CACNA1H: variants seen among roughly 807,000 people sequenced by gnomAD.
CACNA1H encodes the protein voltage-dependent T-type calcium channel subunit alpha-1H.
In CACNA1H, 149 loss-of-function variants were observed where a neutral mutation model predicts 192.5. The observed-to-expected ratio is 0.77, with a 90% CI of 0.68 to 0.89. The LOEUF (loss-of-function observed/expected upper bound fraction) is 0.89. Ranked by LOEUF, CACNA1H falls within the 40% of genes least tolerant of loss-of-function variation. The pLI is 0.00. For synonymous variants in CACNA1H, 2,202 were observed against 1,475.2 expected, an observed-to-expected ratio of 1.49 and a Z score of -11.29; for missense variants, 4,257 against 3,423.5, an observed-to-expected ratio of 1.24 and a Z score of -6.08.
intron 2 of CACNA1H, among the ~76,000 whole-genome samples, chr16:1,181,915 T>TTTG (rs879874849): frequency 9.2e-4 from 140 of 151,994 alleles, no homozygotes; most frequent in African/African-American, 3.2e-3. Context: ...CATGCGCCCC[T>TTTG]CACACATGCA....
intron 5 of CACNA1H, among the ~76,000 whole-genome samples, chr16:1,196,677 G>A (rs1163053250): frequency 6.6e-6 from 1 of 152,214 alleles, no homozygotes; most frequent in Non-Finnish European, 1.5e-5. Context: ...GTGAGGAGGG[G>A]GCCTGGTGGA....
chr16:1,192,448 A>G (rs1237929758), intron 2 of CACNA1H, among the ~76,000 whole-genome samples: 1 of 152,192 alleles, frequency 6.6e-6, no homozygotes, highest in South Asian at 2.1e-4. Context: ...AGTCTTAGAG[A>G]TGGCTGGTCA....
chr16:1,207,659 G>A, intron 14 of CACNA1H, 111 bp from the exon 15 acceptor site: 1 of 1,029,880 alleles, frequency 9.7e-7, no homozygotes, highest in Non-Finnish European at 1.5e-6. Flanking sequence ...ATCATCCTCT[G>A]GGCCCTTCTG....
rs768826048 is a variant in CACNA1H at position 1,220,458 on chromosome 16, G to A, written c.6526G>A (p.Glu2176Lys). 23 of 1,543,690 alleles carry A rather than the reference G, an allele frequency of 1.5e-5. No individual in the cohort carries two copies. The highest frequency in any genetic ancestry group is 6.6e-5 in the Admixed American group (3 of 45,646). ...GEAKAWGPEA[E>K]PALGARRKKK... ...GGCGAAGGCCTGGGGCCCTGAGGCC[G>A]AGCCCGCTCTGGGTGCGCGCAGAAA... The change falls in exon 35 of 35, where the codon GAG becomes AAG. Residue 2176 changes from glutamate (E) to lysine (K), a missense_variant. Coordinates refer to ENST00000348261, the MANE Select transcript of CACNA1H (RefSeq NM_021098.3).
intron 2 of CACNA1H, among the ~76,000 whole-genome samples, chr16:1,154,370 G>A (rs1351287127): frequency 1.3e-5 from 2 of 152,172 alleles, no homozygotes; most frequent in Non-Finnish European, 2.9e-5. Context: ...CGGCCCCAAG[G>A]GTGTTGGCCA....
rs1264669185 is a variant in CACNA1H at position 1,185,789 on chromosome 16, GTA to G, written c.300-9181_300-9180del. On this transcript the variant is annotated intron_variant, in intron 2 of 34. Transcript: ENST00000348261. ...TGCGTAGGGGCCGGAGGCGGGGTGT[GTA>G]TGGGGCGGGTGAGTAGACGGTCGGC... Among the ~76,000 whole-genome samples the G allele has an allele frequency of 2.1e-3, 203 of 98,212 alleles. 22 individuals carry two copies. The highest frequency in any genetic ancestry group is 2.7e-3 in the South Asian group (9 of 3,326). The allele number at this position is 98,212 out of a possible 152,430, so 64.4% of individuals were successfully genotyped here.
chr16:1,161,279 C>G (rs924521460), intron 2 of CACNA1H, among the ~76,000 whole-genome samples: 1 of 152,208 alleles, frequency 6.6e-6, no homozygotes, highest in Non-Finnish European at 1.5e-5. Flanking sequence ...CATTAATGAA[C>G]GCTGTCAACT....
chr16:1,203,802 G>T lies in CACNA1H; in HGVS notation c.2003-208G>T, dbSNP rs371569842. On this transcript the variant is annotated intron_variant, in intron 9 of 34. Coordinates refer to ENST00000348261, the MANE Select transcript of CACNA1H (RefSeq NM_021098.3). Reference sequence around the variant, plus strand: ...CGTGGCTCAGGGCCCTCCCTACTCCGGGATAGCTTCATTCCTCATTGTAAC... The same window carrying T: ...CGTGGCTCAGGGCCCTCCCTACTCCTGGATAGCTTCATTCCTCATTGTAAC... Among the ~76,000 whole-genome samples the T allele has an allele frequency of 1.4e-4, 22 of 152,266 alleles. No homozygotes were observed. The East Asian group carries it at 3.7e-3, about 25-fold the overall frequency.
At chr16:1,176,060 G>C (rs1197513150) in intron 2 of CACNA1H, among the ~76,000 whole-genome samples, 1 of 152,218 alleles carries the variant, frequency 6.6e-6, no homozygotes, top group African/African-American at 2.4e-5. Context: ...CCAGTCACAG[G>C]ACACACCGTG....
chr16:1,209,913 G>T, intron 17 of CACNA1H, 122 bp from the exon 18 acceptor site: 1 of 720,402 alleles, frequency 1.4e-6, no homozygotes, highest in South Asian at 1.7e-5. Flanking sequence ...AGCGGGTGAG[G>T]AGTGAGGATG....
intron 2 of CACNA1H, among the ~76,000 whole-genome samples, chr16:1,181,896 C>T (rs1965507085): frequency 6.6e-6 from 1 of 152,190 alleles, no homozygotes. Context: ...CCCACACTGC[C>T]CTTACACACA....
Position 1,172,340 on chromosome 16 carries a change from C to T in CACNA1H, c.299+18304C>T, listed in dbSNP as rs564482703. 9.7e-4 allele frequency among the ~76,000 whole-genome samples: 147 copies of T among 152,310 alleles called. 1 individual carries two copies. The highest frequency in any genetic ancestry group is 1.6e-3 in the Non-Finnish European group (107 of 68,022). Reference sequence around the variant, plus strand: ...GCTCGGGGAGCCAGGCCGTGCCATCCCCAATGTTCCAGGCTCTACCTGGGC... The same window carrying T: ...GCTCGGGGAGCCAGGCCGTGCCATCTCCAATGTTCCAGGCTCTACCTGGGC... On this transcript the variant is annotated intron_variant, in intron 2 of 34. Transcript: ENST00000348261.
At position 1,206,985 on chromosome 16, in the gene CACNA1H, C is replaced by G; in HGVS notation, c.2790-16C>G. 1.3e-6 allele frequency: 2 copies of G among 1,547,796 alleles called. No individual in the cohort carries two copies. Among genetic ancestry groups the G allele is most frequent in the Non-Finnish European group, 8.8e-7 (1 of 1,138,802 alleles). ...CCCTGCCTCCACCCTCAACACGCCC[C>G]TGCCCCCACCCTCAGCATCCTGGGC... On this transcript the variant is annotated splice_polypyrimidine_tract_variant and intron_variant, in intron 12 of 34. Transcript: ENST00000348261.
At chr16:1,219,663 TG>T (rs1596478827) in intron 34 of CACNA1H, among the ~76,000 whole-genome samples, 2 of 152,210 alleles carry the variant, frequency 1.3e-5, no homozygotes, top group African/African-American at 4.8e-5. Flanking sequence ...AGCCCCATCC[TG>T]GGGGTGCCCA....
At chr16:1,166,785 C>T (rs1341989029) in intron 2 of CACNA1H, among the ~76,000 whole-genome samples, 1 of 152,188 alleles carries the variant, frequency 6.6e-6, no homozygotes, top group Non-Finnish European at 1.5e-5. Flanking sequence ...CGGTTAGATG[C>T]GCCCTCATGT....
At chr16:1,173,446 C>T (rs889884728) in intron 2 of CACNA1H, among the ~76,000 whole-genome samples, 4 of 152,260 alleles carry the variant, frequency 2.6e-5, no homozygotes, top group Non-Finnish European at 5.9e-5. Context: ...AAAGCCTCTG[C>T]TCCTGGGTTC....
chr16:1,213,554 A>AG (rs1240190556), intron 26 of CACNA1H, among the ~76,000 whole-genome samples: 6 of 152,048 alleles, frequency 3.9e-5, no homozygotes, highest in Non-Finnish European at 8.8e-5. Context: ...CCAGCTCCCC[A>AG]GGGAGCTGCA....
intron 2 of CACNA1H, among the ~76,000 whole-genome samples, chr16:1,158,235 C>G (rs1445758259): frequency 1.3e-5 from 2 of 152,160 alleles, no homozygotes; most frequent in African/African-American, 4.8e-5. Context: ...GAAGCAGAGA[C>G]ACAGATGGGG....
Position 1,209,266 on chromosome 16 carries a change from G to C in CACNA1H, c.3598G>C (p.Asp1200His). The change falls in exon 17 of 35, where the codon GAC becomes CAC. Residue 1200 changes from aspartate (D) to histidine (H), a missense_variant. Physicochemically the swap from Asp to His is moderately conservative, Grantham distance 81. Transcript: ENST00000348261. ...ATPLRRAESL[D>H]PRPLRPAALP... is the part of the protein sequence containing the mutation. ...CCCACTGCGGCGGGCCGAGTCCCTG[G>C]ACCCACGGCCCCTGCGGCCGGCCGC... 1 of 1,552,180 alleles carries C rather than the reference G, an allele frequency of 6.4e-7. No individual in the cohort carries two copies. Among genetic ancestry groups the C allele is most frequent in the Non-Finnish European group, 8.7e-7 (1 of 1,152,952 alleles).
Sources: gnomAD v4.1 joint callset for allele counts (sites outside exome capture counted in the v4.1 genomes callset) on GRCh38, gnomAD v4.1.1 for gene constraint, MANE v1.5 for transcripts, NCBI Gene and HGNC (gene_info 2026-07-23, HGNC 2026-07-21) for gene names.